SPIRE1: variants seen among roughly 807,000 people sequenced by gnomAD.
SPIRE1 encodes the protein spire type actin nucleation factor 1, also known as protein spire homolog 1.
Under a neutral mutation model 94.1 loss-of-function variants are expected in SPIRE1, and 40 were observed. That is an observed-to-expected ratio of 0.43 (90% confidence interval 0.33 to 0.55). The LOEUF (loss-of-function observed/expected upper bound fraction) is 0.55. Among genes scored for constraint, SPIRE1 ranks in the 20% least tolerant of loss-of-function variants. The probability of loss-of-function intolerance (pLI) is 0.06; values close to 1 mark genes in which losing one functional copy is unlikely to be tolerated. For missense variants in SPIRE1, 838 were observed against 975.2 expected (o/e 0.86, Z 1.87); for synonymous variants, 376 against 371.7 (o/e 1.01, Z -0.13).
chr18:12,508,678 T>G (rs1238102960), intron 5 of SPIRE1, among the ~76,000 whole-genome samples: 1 of 151,708 alleles, frequency 6.6e-6, no homozygotes, highest in Non-Finnish European at 1.5e-5. Context: ...ACACTTGGTT[T>G]TTTTTTTTTT....
chr18:12,454,693 G>T (rs767139461), intron 12 of SPIRE1, among the ~76,000 whole-genome samples: 3 of 151,672 alleles, frequency 2.0e-5, no homozygotes, highest in Non-Finnish European at 2.9e-5. Context: ...TGGGGACCAA[G>T]TGATCTACTG....
At chr18:12,543,357 C>T (rs182502595) in intron 3 of SPIRE1, among the ~76,000 whole-genome samples, 2 of 152,276 alleles carry the variant, frequency 1.3e-5, no homozygotes, top group African/African-American at 4.8e-5. Context: ...CCATTACTGC[C>T]CACTGCAGCC....
chr18:12,583,282 G>A (rs2036304709), intron 2 of SPIRE1, among the ~76,000 whole-genome samples: 1 of 151,602 alleles, frequency 6.6e-6, no homozygotes, highest in African/African-American at 2.4e-5. Context: ...GACCAGCATG[G>A]GCAACAGCGG....
At chr18:12,458,791 G>A (rs933978437) in intron 12 of SPIRE1, among the ~76,000 whole-genome samples, 5 of 152,298 alleles carry the variant, frequency 3.3e-5, no homozygotes, top group South Asian at 2.1e-4. Context: ...ACCTGACCAC[G>A]TGCTGCCCAA....
At chr18:12,528,773 G>A (rs1196244343) in intron 4 of SPIRE1, among the ~76,000 whole-genome samples, 4 of 152,216 alleles carry the variant, frequency 2.6e-5, no homozygotes, top group African/African-American at 4.8e-5. Flanking sequence ...GTGAGAACAC[G>A]AGGGAGGCTC....
At chr18:12,643,514 G>A (rs1292340333) in intron 1 of SPIRE1, among the ~76,000 whole-genome samples, 1 of 152,150 alleles carries the variant, frequency 6.6e-6, no homozygotes. Flanking sequence ...ATCTGAGTAT[G>A]AGACAACCTA....
At chr18:12,462,437 G>A (rs996815145) in intron 12 of SPIRE1, among the ~76,000 whole-genome samples, 2 of 152,188 alleles carry the variant, frequency 1.3e-5, no homozygotes, top group African/African-American at 4.8e-5. Context: ...TATTTCAGAA[G>A]CCAAGTGGCG....
At chr18:12,660,123 G>C (rs1273048469), upstream of SPIRE1, among the ~76,000 whole-genome samples, 2 of 152,004 alleles carry the variant, frequency 1.3e-5, no homozygotes, top group African/African-American at 4.8e-5. Context: ...TTACCCACCA[G>C]TAAACAAGAT....
intron 2 of SPIRE1, among the ~76,000 whole-genome samples, chr18:12,562,807 G>T (rs1340527657): frequency 6.6e-6 from 1 of 151,976 alleles, no homozygotes; most frequent in Non-Finnish European, 1.5e-5. Context: ...ACTACACATA[G>T]CCTATAGTAA....
At chr18:12,575,484 C>T (rs11875046) in intron 2 of SPIRE1, among the ~76,000 whole-genome samples, 1 of 151,876 alleles carries the variant, frequency 6.6e-6, no homozygotes, top group East Asian at 1.9e-4. Flanking sequence ...ATAGCTGGGA[C>T]TACAGATGCA....
chr18:12,459,280 C>T (rs2031671903), intron 12 of SPIRE1, among the ~76,000 whole-genome samples: 1 of 152,228 alleles, frequency 6.6e-6, no homozygotes, highest in Admixed American at 6.5e-5. Flanking sequence ...GTGATGGGAG[C>T]ACACAGGTTT....
chr18:12,600,715 A>C (rs4627434), intron 2 of SPIRE1, among the ~76,000 whole-genome samples: 85,060 of 151,850 alleles, frequency 0.56, 25,028 homozygotes, highest in Middle Eastern at 0.76. Flanking sequence ...CTAATTTAAT[A>C]CATTATCATT....
chr18:12,577,083 G>T (rs1008449800), intron 2 of SPIRE1, among the ~76,000 whole-genome samples: 1 of 151,796 alleles, frequency 6.6e-6, no homozygotes, highest in African/African-American at 2.4e-5. Context: ...GAAACAACTG[G>T]GTATCTATCT....
intron 2 of SPIRE1, among the ~76,000 whole-genome samples, chr18:12,632,324 A>G (rs1431667941): frequency 1.3e-5 from 2 of 152,020 alleles, no homozygotes; most frequent in Non-Finnish European, 2.9e-5. Flanking sequence ...ACCACTCTTG[A>G]ACCTGGCTCA....
intron 2 of SPIRE1, among the ~76,000 whole-genome samples, chr18:12,595,004 G>A (rs995269048): frequency 6.6e-6 from 1 of 152,206 alleles, no homozygotes; most frequent in African/African-American, 2.4e-5. Context: ...AGGTCTGGGT[G>A]TGGTGGCTCA....
At chr18:12,637,844 C>T (rs2037976730) in intron 1 of SPIRE1, among the ~76,000 whole-genome samples, 1 of 152,052 alleles carries the variant, frequency 6.6e-6, no homozygotes, top group East Asian at 1.9e-4. Context: ...TAGAGGAGTG[C>T]CAAAAGGGCA....
rs549522283 is a variant in SPIRE1, at chr18:12,651,502, C to T, written c.337+6028G>A. Among the ~76,000 whole-genome samples the T allele has an allele frequency of 1.8e-3, 267 of 152,006 alleles. 1 individual carries two copies. Among genetic ancestry groups the T allele is most frequent in the African/African-American group, 6.2e-3 (257 of 41,452 alleles). ...CCATTCTGGACAACATGGTGAAACC[C>T]GTGTCTACTAAAAATACAAAAATTA... On this transcript the variant is annotated intron_variant, in intron 1 of 16. Transcript: ENST00000409402.
At position 12,446,830 on chromosome 18, in the gene SPIRE1, G is replaced by C. The variant is rs2030955399; in HGVS notation, c.*2808C>G. 6.6e-6 allele frequency: 1 copy of C among 152,140 alleles called. No individual in the cohort carries two copies. Among genetic ancestry groups the C allele is most frequent in the Non-Finnish European group, 1.5e-5 (1 of 68,036 alleles). 9.4% of individuals were successfully genotyped at this position (152,140 alleles called of 1,614,324 possible). A position where few individuals can be genotyped will look rare whatever the true frequency, so the allele number is the denominator to read the frequency against. ...TAAAAATTTCATAGTACGAGTTCATGGTGCTAATAACAGAATCTCTTTAAA... is the reference window on the plus strand; with the variant it reads ...TAAAAATTTCATAGTACGAGTTCATCGTGCTAATAACAGAATCTCTTTAAA... On this transcript the variant is annotated 3_prime_UTR_variant, in exon 17 of 17. Transcript: ENST00000409402.
chr18:12,613,153 CTT>C (rs2037190779), intron 2 of SPIRE1, among the ~76,000 whole-genome samples: 1 of 152,160 alleles, frequency 6.6e-6, no homozygotes, highest in Admixed American at 6.5e-5. Flanking sequence ...GCGCAATAAA[CTT>C]TTGTTTTTTA....
Sources: gnomAD v4.1 joint callset for allele counts (sites outside exome capture counted in the v4.1 genomes callset) on GRCh38, gnomAD v4.1.1 for gene constraint, MANE v1.5 for transcripts, NCBI Gene and HGNC (gene_info 2026-07-23, HGNC 2026-07-21) for gene names.